Variants in ATP8A1 observed in about 807,000 individuals in gnomAD.
ATP8A1 encodes the protein phospholipid-transporting ATPase IA.
A neutral mutation model predicts 177.7 loss-of-function variants in ATP8A1; 90 were observed. The observed-to-expected ratio is 0.51, with a 90% CI of 0.43 to 0.60. ATP8A1 has a LOEUF of 0.60. ATP8A1 is among the 20% of genes least tolerant of loss of function. The pLI, the probability that ATP8A1 is intolerant of heterozygous loss-of-function variation, is 0.00. For synonymous variants in ATP8A1, 493 were observed against 485.9 expected, an observed-to-expected ratio of 1.01 and a Z score of -0.19; for missense variants, 1,072 against 1,392.8, an observed-to-expected ratio of 0.77 and a Z score of 3.67.
chr4:42,488,746 A>C (rs146902367), intron 24 of ATP8A1, among the ~76,000 whole-genome samples: 1 of 152,028 alleles, frequency 6.6e-6, no homozygotes, highest in East Asian at 1.9e-4. Context: ...CCTCCTCTCC[A>C]GAGGATCATC....
At chr4:42,616,447 G>C (rs375983823) in intron 4 of ATP8A1, among the ~76,000 whole-genome samples, 13 of 152,332 alleles carry the variant, frequency 8.5e-5, no homozygotes, top group African/African-American at 3.1e-4. Flanking sequence ...TCAAAAAGGA[G>C]ATTGCCTGAG....
intron 16 of ATP8A1, among the ~76,000 whole-genome samples, chr4:42,552,874 G>T (rs1482101127): frequency 2.0e-5 from 3 of 152,210 alleles, no homozygotes; most frequent in African/African-American, 4.8e-5. Context: ...AGCTATTCGG[G>T]AAGCTGAGTC....
At position 42,422,841 on chromosome 4, in the gene ATP8A1, A is replaced by AT. The variant is rs1714142748; in HGVS notation, c.3270dup (p.Ser1091IlefsTer25). The AT allele has an allele frequency of 6.2e-7, 1 of 1,612,954 alleles. No individual in the cohort carries two copies. Among genetic ancestry groups the AT allele is most frequent in the Non-Finnish European group, 8.5e-7 (1 of 1,179,808 alleles). On this transcript the variant is annotated frameshift_variant, in exon 35 of 37. Transcript: ENST00000381668. LOFTEE classifies it high-confidence loss of function. ...AGTACAACTGCTCCTGGGTCTTGAG[A>AT]TTTTGCCTCCAGCTCCTGAACTTCA...
Position 42,507,170 on chromosome 4 carries a change from G to A in ATP8A1, c.1948-16C>T, listed in dbSNP as rs777280169. 1.2e-6 allele frequency: 2 copies of A among 1,610,214 alleles called. No individual in the cohort carries two copies. The highest frequency in any genetic ancestry group is 1.7e-6 in the Non-Finnish European group (2 of 1,178,786). ...GCTGAAGATTCTGAAAAAAATTAGT[G>A]GTAGAAATGTTTTAAAAATCCGTTC... On this transcript the variant is annotated splice_polypyrimidine_tract_variant and intron_variant, in intron 22 of 36. Transcript: ENST00000381668.
chr4:42,442,513 G>A (rs1029615172), intron 33 of ATP8A1, among the ~76,000 whole-genome samples: 8 of 152,126 alleles, frequency 5.3e-5, no homozygotes, highest in African/African-American at 9.7e-5. Context: ...CACAATATAT[G>A]TTTCAAAAGA....
At position 42,411,374 on chromosome 4, in the gene ATP8A1, T is replaced by C. The variant is rs886558240; in HGVS notation, c.*1542A>G. 4 of 152,234 alleles carry C rather than the reference T, an allele frequency of 2.6e-5. No individual in the cohort carries two copies. Among genetic ancestry groups the C allele is most frequent in the Non-Finnish European group, 4.4e-5 (3 of 68,044 alleles). The allele number at this position is 152,234 out of a possible 1,614,324, so 9.4% of individuals were successfully genotyped here. On this transcript the variant is annotated 3_prime_UTR_variant, in exon 37 of 37. Transcript: ENST00000381668. Reference sequence around the variant, plus strand: ...AAAAAAAATCACCTCTTCTCAATTCTAGTTGACTTTTTTTAAAAGAGAAAG... The same window carrying C: ...AAAAAAAATCACCTCTTCTCAATTCCAGTTGACTTTTTTTAAAAGAGAAAG...
chr4:42,443,634 C>T lies in ATP8A1; in HGVS notation c.3054G>A (p.Trp1018Ter). The T allele has an allele frequency of 6.4e-7, 1 of 1,574,194 alleles. No homozygotes were observed. The highest frequency in any genetic ancestry group is 1.1e-5 in the South Asian group (1 of 90,198). The change falls in exon 33 of 37, where the codon TGG (tryptophan) becomes TGA (stop). Residue 1018 changes from tryptophan to a stop codon, truncating the protein, a stop_gained. Transcript: ENST00000381668. LOFTEE classifies it high-confidence loss of function. The stretch of plus-strand genomic sequence containing the variant: ...ATGAGTAGATTCCAAAAAACACCAC[C>T]CAGAGTGCGATGCTCCCCCATATCG... ...HIAIWGSIAL[W>*]VVFFGIYSSL...
At chr4:42,498,083 T>C (rs1210064659) in intron 24 of ATP8A1, among the ~76,000 whole-genome samples, 2 of 152,204 alleles carry the variant, frequency 1.3e-5, no homozygotes, top group Non-Finnish European at 2.9e-5. Flanking sequence ...GAAAACTCAG[T>C]GTGGTTTAAA....
intron 33 of ATP8A1, among the ~76,000 whole-genome samples, chr4:42,430,050 T>C (rs1416750068): frequency 1.3e-5 from 2 of 152,116 alleles, no homozygotes; most frequent in African/African-American, 4.8e-5. Context: ...ACAGTGGTGA[T>C]GGTTGCACAA....
At chr4:42,451,151 T>C (rs760077183) in intron 30 of ATP8A1, among the ~76,000 whole-genome samples, 7 of 152,184 alleles carry the variant, frequency 4.6e-5, no homozygotes, top group Non-Finnish European at 1.0e-4. Context: ...TCTGCAGGGA[T>C]CACTCTGGCT....
At chr4:42,489,523 G>C (rs1347502889) in intron 24 of ATP8A1, among the ~76,000 whole-genome samples, 2 of 152,154 alleles carry the variant, frequency 1.3e-5, no homozygotes, top group Non-Finnish European at 1.5e-5. Flanking sequence ...TTCTCACAGT[G>C]AATTCACTCG....
intron 19 of ATP8A1, among the ~76,000 whole-genome samples, chr4:42,546,514 T>C (rs1247910750): frequency 6.6e-6 from 1 of 151,274 alleles, no homozygotes; most frequent in African/African-American, 2.4e-5. Context: ...CACACCAACA[T>C]GGCTCATGTA....
intron 1 of ATP8A1, among the ~76,000 whole-genome samples, chr4:42,643,695 C>T (rs1740233638): frequency 6.6e-6 from 1 of 152,200 alleles, no homozygotes; most frequent in South Asian, 2.1e-4. Context: ...GTGTTGAAAA[C>T]TCCTTGGGAG....
At chr4:42,440,584 G>A (rs929585150) in intron 33 of ATP8A1, among the ~76,000 whole-genome samples, 3 of 152,078 alleles carry the variant, frequency 2.0e-5, no homozygotes, top group East Asian at 1.9e-4. Context: ...CTAGAATAGC[G>A]TCAGACACAC....
chr4:42,458,014 G>A (rs1718677671), intron 27 of ATP8A1, among the ~76,000 whole-genome samples: 2 of 152,130 alleles, frequency 1.3e-5, no homozygotes, highest in South Asian at 2.1e-4. Flanking sequence ...GAAATGACTA[G>A]GTAAGAACAG....
In ATP8A1 at chr4:42,647,617, T is replaced by A. The variant is rs572321500; in HGVS notation, c.49+9208A>T. On this transcript the variant is annotated intron_variant, in intron 1 of 36. Transcript: ENST00000381668. Reference sequence around the variant, plus strand: ...TAAATATATAGTATTAAAATTCATTTAACATCTCTTTTTACATTTTAAATG... The same window carrying A: ...TAAATATATAGTATTAAAATTCATTAAACATCTCTTTTTACATTTTAAATG... Among the ~76,000 whole-genome samples, 166 of 151,740 alleles carry A rather than the reference T, an allele frequency of 1.1e-3. 5 individuals are homozygous for A. The South Asian group carries it at 0.032, about 30-fold the overall frequency.
chr4:42,444,009 C>T (rs1376396471), intron 32 of ATP8A1, among the ~76,000 whole-genome samples: 1 of 152,212 alleles, frequency 6.6e-6, no homozygotes, highest in African/African-American at 2.4e-5. Flanking sequence ...CATGTCAGAC[C>T]CTTGTGAGAA....
intron 19 of ATP8A1, among the ~76,000 whole-genome samples, chr4:42,548,339 TA>T (rs769531379): frequency 9.2e-5 from 14 of 152,188 alleles, no homozygotes; most frequent in Non-Finnish European, 1.8e-4. Context: ...TCACCAGCCA[TA>T]AGACGCATGG....
chr4:42,628,675 T>G (rs1306896861), intron 1 of ATP8A1, among the ~76,000 whole-genome samples: 2 of 152,192 alleles, frequency 1.3e-5, no homozygotes, highest in African/African-American at 4.8e-5. Context: ...TTCCCTCTAG[T>G]TTTGTATAAT....
Sources: gnomAD v4.1 joint callset for allele counts (sites outside exome capture counted in the v4.1 genomes callset) on GRCh38, gnomAD v4.1.1 for gene constraint, MANE v1.5 for transcripts, NCBI Gene and HGNC (gene_info 2026-07-23, HGNC 2026-07-21) for gene names.